Variants in SVEP1 observed in about 807,000 individuals in gnomAD.
The protein encoded by SVEP1 is sushi, von Willebrand factor type A, EGF and pentraxin domain containing 1, also known as sushi, von Willebrand factor type A, EGF and pentraxin domain-containing protein 1.
SVEP1 carries 164 observed loss-of-function variants against 367.3 expected under a neutral mutation model. That is an observed-to-expected ratio of 0.45 (90% CI 0.39 to 0.51). SVEP1 has a LOEUF of 0.51. Among genes scored for constraint, SVEP1 ranks in the 20% least tolerant of loss-of-function variants. The pLI is 0.00. For missense variants in SVEP1, 4,117 were observed against 4,425.3 expected (o/e 0.93, Z 1.98); for synonymous variants, 1,666 against 1,611.6 (o/e 1.03, Z -0.81).
chr9:110,434,665 C>CAAAAAAAAAAAAAAA (rs1828404499), intron 29 of SVEP1, among the ~76,000 whole-genome samples, 159 bp from the exon 30 acceptor site: 2 of 4,720 alleles, frequency 4.2e-4, no homozygotes, highest in Non-Finnish European at 4.1e-4. Flanking sequence ...AGCAAAATCA[C>CAAAAAAAAAAAAAAA]TAAAAAAAAA....
At chr9:110,510,696 T>A (rs558366839) in intron 5 of SVEP1, among the ~76,000 whole-genome samples, 1 of 152,316 alleles carries the variant, frequency 6.6e-6, no homozygotes, top group African/African-American at 2.4e-5. Flanking sequence ...GAAAGGGCAG[T>A]CTTCTCTGAT....
rs537213661 is a variant in SVEP1, at chr9:110,497,128, C to G, written c.1682-195G>C. 1.1e-4 allele frequency among the ~76,000 whole-genome samples: 16 copies of G among 152,336 alleles called. 1 individual carries two copies. In the South Asian group the frequency reaches 3.3e-3, roughly 32 times the overall value. On this transcript the variant is annotated intron_variant, in intron 7 of 47. Transcript: ENST00000374469. Reference sequence around the variant, plus strand: ...CATGGCTTACGAGCCCAATCTTGAACTAGTACCTATTAACCTCTTAGCCTC... The same window carrying G: ...CATGGCTTACGAGCCCAATCTTGAAGTAGTACCTATTAACCTCTTAGCCTC...
At chr9:110,387,762 A>C (rs1827548891) in intron 41 of SVEP1, among the ~76,000 whole-genome samples, 1 of 152,220 alleles carries the variant, frequency 6.6e-6, no homozygotes, top group Non-Finnish European at 1.5e-5. Flanking sequence ...TCTCATTGTA[A>C]GTTGCTAACA....
At chr9:110,394,184 G>T (rs1159010273) in intron 40 of SVEP1, among the ~76,000 whole-genome samples, 1 of 151,854 alleles carries the variant, frequency 6.6e-6, no homozygotes, top group Non-Finnish European at 1.5e-5. Context: ...TCAGGCAGCA[G>T]CATTTGCGGT....
At chr9:110,570,013 T>G (rs1363510369) in intron 1 of SVEP1, among the ~76,000 whole-genome samples, 1 of 152,348 alleles carries the variant, frequency 6.6e-6, no homozygotes, top group Admixed American at 6.5e-5. Flanking sequence ...CTGAGTGCTA[T>G]CTTTCATTTC....
chr9:110,411,850 A>G, intron 36 of SVEP1, 115 bp from the exon 37 acceptor site: 1 of 999,490 alleles, frequency 1.0e-6, no homozygotes. Context: ...TATCTTTAAA[A>G]TAATATTTCC....
chr9:110,486,966 CT>C (rs1414367896), intron 9 of SVEP1, among the ~76,000 whole-genome samples: 1 of 150,498 alleles, frequency 6.6e-6, no homozygotes, highest in Non-Finnish European at 1.5e-5. Flanking sequence ...CTCTCTGTCT[CT>C]CTCTTTGAGA....
chr9:110,407,769 T>C lies in SVEP1; in HGVS notation c.7831A>G (p.Ile2611Val), dbSNP rs560339756. 1.1e-5 allele frequency: 17 copies of C among 1,614,038 alleles called. No individual in the cohort carries two copies. Among genetic ancestry groups the C allele is most frequent in the Admixed American group, 1.0e-4 (6 of 60,032 alleles). Reference sequence around the variant, plus strand: ...ATATGAGGAGGGAGGCCACAGTCTATTGGCATACATGTTGGGATGGAACTT... The same window carrying C: ...ATATGAGGAGGGAGGCCACAGTCTACTGGCATACATGTTGGGATGGAACTT... ...WSSSIPTCMP[I>V]DCGLPPHIDF... The change falls in exon 38 of 48, where the codon ATA becomes GTA. Residue 2611 changes from isoleucine to valine, a missense_variant. By Grantham distance (29) the Ile-to-Val change is conservative. Coordinates refer to ENST00000374469, the MANE Select transcript of SVEP1 (RefSeq NM_153366.4).
intron 40 of SVEP1, among the ~76,000 whole-genome samples, chr9:110,395,480 A>C (rs1207326006): frequency 6.6e-6 from 1 of 152,224 alleles, no homozygotes; most frequent in Admixed American, 6.5e-5. Context: ...TCATAATGAC[A>C]GGATCAAATT....
chr9:110,491,619 A>ATGTGTGTGTGTGTGGG lies in SVEP1; in HGVS notation c.1801-1841_1801-1840insCCCACACACACACACA, dbSNP rs1564157984. Among the ~76,000 whole-genome samples, 136 of 112,240 alleles carry ATGTGTGTGTGTGTGGG rather than the reference A, an allele frequency of 1.2e-3. 1 individual carries two copies. The highest frequency in any genetic ancestry group is 4.7e-3 in the African/African-American group (128 of 27,284). The allele number at this position is 112,240 out of a possible 152,430, so 73.6% of individuals were successfully genotyped here. On this transcript the variant is annotated intron_variant, in intron 8 of 47. Coordinates refer to ENST00000374469, the MANE Select transcript of SVEP1 (RefSeq NM_153366.4). ...TGTGTGTGTGTGTGTGTGTGTGTGCAAATTTATCTGTATCTTGGTAGTCAA... is the reference window on the plus strand; with the variant it reads ...TGTGTGTGTGTGTGTGTGTGTGTGCATGTGTGTGTGTGTGGGAATTTATCTGTATCTTGGTAGTCAA...
At chr9:110,526,433 T>G (rs1829940510) in intron 3 of SVEP1, among the ~76,000 whole-genome samples, 1 of 152,120 alleles carries the variant, frequency 6.6e-6, no homozygotes, top group Non-Finnish European at 1.5e-5. Context: ...GAAAAGATGT[T>G]TAACATCATT....
At chr9:110,401,476 G>A (rs1018808148) in intron 39 of SVEP1, among the ~76,000 whole-genome samples, 1 of 150,252 alleles carries the variant, frequency 6.7e-6, no homozygotes, top group Non-Finnish European at 1.5e-5. Context: ...ATTCCAACGA[G>A]AACACCTAAA....
Position 110,378,268 on chromosome 9 carries a change from C to T in SVEP1, c.10409-902G>A, listed in dbSNP as rs76003098. Among the ~76,000 whole-genome samples, 709 of 152,090 alleles carry T rather than the reference C, an allele frequency of 4.7e-3. 37 individuals carry two copies. The East Asian group carries it at 0.12, about 26-fold the overall frequency. On this transcript the variant is annotated intron_variant, in intron 44 of 47. Coordinates refer to ENST00000374469, the MANE Select transcript of SVEP1 (RefSeq NM_153366.4). ...GTCTGGGATATTCCTTTAAGATGTC[C>T]CCCCTCAAAAGGCTCTACATTCTCT...
At chr9:110,397,584 C>T (rs1337541946) in intron 40 of SVEP1, among the ~76,000 whole-genome samples, 21 of 151,954 alleles carry the variant, frequency 1.4e-4, no homozygotes, top group African/African-American at 4.4e-4. Context: ...TGATTGTATA[C>T]CTAGAAAACC....
chr9:110,509,758 C>T (rs940049451), intron 5 of SVEP1, among the ~76,000 whole-genome samples: 1 of 152,140 alleles, frequency 6.6e-6, no homozygotes. Flanking sequence ...ATACATTTAT[C>T]GATATGTGTA....
intron 17 of SVEP1, among the ~76,000 whole-genome samples, chr9:110,467,081 T>A (rs986438658): frequency 1.3e-5 from 2 of 152,124 alleles, no homozygotes; most frequent in East Asian, 3.9e-4. Flanking sequence ...AGAGTTTATA[T>A]CAGTCATTAA....
chr9:110,429,007 T>G (rs1279115753), intron 35 of SVEP1, 136 bp downstream of exon 35: 1 of 680,356 alleles, frequency 1.5e-6, no homozygotes, highest in African/African-American at 1.8e-5. Context: ...AGGCAGAGAT[T>G]GCAGTGAGCT....
At position 110,379,426 on chromosome 9, in the gene SVEP1, G is replaced by A. The variant is rs750698214; in HGVS notation, c.10329C>T (p.Tyr3443=). The change falls in exon 44 of 48, where the codon TAC becomes TAT. Residue 3443 remains tyrosine (Y), a synonymous_variant. Transcript: ENST00000374469. ...GGAAACCCTCCAACATGTATCCACT[G>A]TAACATGAGTAGGTGATCATGTCTC... The part of the protein sequence containing the change: ...QYGDMITYSC[Y]SGYMLEGFLR... 7.4e-6 allele frequency: 12 copies of A among 1,613,632 alleles called. No homozygotes were observed. The highest frequency in any genetic ancestry group is 1.1e-5 in the South Asian group (1 of 91,068).
rs970804534 is a variant in SVEP1, at chr9:110,541,271, TA to T, written c.964+4843del. 6.3e-4 allele frequency among the ~76,000 whole-genome samples: 8 copies of T among 12,732 alleles called. No individual in the cohort carries two copies. The African/African-American group carries it at 9.0e-3, about 14-fold the overall frequency. 8.4% of individuals were successfully genotyped at this position (12,732 alleles called of 152,430 possible). Reference sequence around the variant, plus strand: ...CTCTACTTTTTGTCTGTTTTATTATTATTGTTTTTAAACTTGTCATTGACCT... The same window carrying T: ...CTCTACTTTTTGTCTGTTTTATTATTTTGTTTTTAAACTTGTCATTGACCT... On this transcript the variant is annotated intron_variant, in intron 3 of 47. Transcript: ENST00000374469.
Sources: gnomAD v4.1 joint callset for allele counts (sites outside exome capture counted in the v4.1 genomes callset) on GRCh38, gnomAD v4.1.1 for gene constraint, MANE v1.5 for transcripts, NCBI Gene and HGNC (gene_info 2026-07-23, HGNC 2026-07-21) for gene names.